The following DLGAP1 variants were observed in gnomAD, a reference collection of about 807,000 sequenced individuals.
The protein encoded by DLGAP1 is DLG associated protein 1, also known as disks large-associated protein 1.
Under a neutral mutation model 90.8 loss-of-function variants are expected in DLGAP1, and 11 were observed. The observed-to-expected ratio is 0.12, with a 90% CI of 0.08 to 0.20. DLGAP1 has a LOEUF of 0.20. Among genes scored for constraint, DLGAP1 ranks in the 10% least tolerant of loss-of-function variants. DLGAP1 has a pLI of 1.00. For synonymous variants in DLGAP1, 558 were observed against 540.7 expected, an observed-to-expected ratio of 1.03 and a Z score of -0.44; for missense variants, 1,050 against 1,333.8, an observed-to-expected ratio of 0.79 and a Z score of 3.31.
intron 4 of DLGAP1, among the ~76,000 whole-genome samples, chr18:3,855,082 T>C (rs1275781715): frequency 6.6e-6 from 1 of 152,152 alleles, no homozygotes; most frequent in Non-Finnish European, 1.5e-5. Context: ...ATGCAGTACA[T>C]ATACACCACG....
chr18:3,882,244 T>C (rs1043601346), intron 3 of DLGAP1, among the ~76,000 whole-genome samples: 4 of 151,758 alleles, frequency 2.6e-5, no homozygotes, highest in African/African-American at 9.7e-5. Context: ...TGGTTGAGTA[T>C]TTACGCACAA....
chr18:4,239,806 A>G (rs1345740364), intron 1 of DLGAP1, among the ~76,000 whole-genome samples: 1 of 152,210 alleles, frequency 6.6e-6, no homozygotes, highest in African/African-American at 2.4e-5. Context: ...AGGTTTACAA[A>G]GAGAGATTAC....
At chr18:3,895,068 C>T (rs1267868046) in intron 3 of DLGAP1, among the ~76,000 whole-genome samples, 2 of 152,122 alleles carry the variant, frequency 1.3e-5, no homozygotes, top group Non-Finnish European at 2.9e-5. Context: ...TCTCAGGTGT[C>T]AGTATTAACA....
intron 5 of DLGAP1, among the ~76,000 whole-genome samples, chr18:3,804,063 G>A (rs1254153340): frequency 6.8e-6 from 1 of 147,820 alleles, no homozygotes; most frequent in Admixed American, 6.8e-5. Flanking sequence ...GCAAGATCTT[G>A]GTTCACTGCA....
intron 4 of DLGAP1, among the ~76,000 whole-genome samples, chr18:3,838,021 A>G (rs1029473227): frequency 1.2e-4 from 18 of 152,214 alleles, no homozygotes; most frequent in African/African-American, 4.3e-4. Flanking sequence ...AAAAATATAG[A>G]TTGGGATGGA....
At chr18:3,845,677 G>T in intron 4 of DLGAP1, 1 of 894,680 alleles carries the variant, frequency 1.1e-6, no homozygotes. Flanking sequence ...CGTATATTCT[G>T]TCAAATGGAA....
At chr18:4,265,482 CTTCCT>C (rs1304679883) in intron 1 of DLGAP1, among the ~76,000 whole-genome samples, 19 of 148,934 alleles carry the variant, frequency 1.3e-4, no homozygotes, top group Non-Finnish European at 7.5e-5. Context: ...TCCTTCCTTC[CTTCCT>C]TTCCTTTCCT....
At chr18:4,203,502 C>T (rs1360710014) in intron 1 of DLGAP1, among the ~76,000 whole-genome samples, 1 of 152,030 alleles carries the variant, frequency 6.6e-6, no homozygotes, top group Non-Finnish European at 1.5e-5. Flanking sequence ...ATTTTGTTTG[C>T]CATGAGCTTT....
At chr18:3,507,602 T>G (rs1430485909) in intron 11 of DLGAP1, among the ~76,000 whole-genome samples, 1 of 152,156 alleles carries the variant, frequency 6.6e-6, no homozygotes, top group Non-Finnish European at 1.5e-5. Flanking sequence ...AAAAAACCTC[T>G]AAGATCATAT....
chr18:4,161,649 G>A (rs1276207278), intron 1 of DLGAP1, among the ~76,000 whole-genome samples: 1 of 152,068 alleles, frequency 6.6e-6, no homozygotes, highest in Admixed American at 6.6e-5. Flanking sequence ...TCATTTGTTA[G>A]AGCCAAATTT....
At chr18:3,652,657 T>G (rs2059355611) in intron 7 of DLGAP1, among the ~76,000 whole-genome samples, 1 of 152,220 alleles carries the variant, frequency 6.6e-6, no homozygotes, top group South Asian at 2.1e-4. Flanking sequence ...TTTATTTGAT[T>G]TCTTCAGAGA....
intron 2 of DLGAP1, among the ~76,000 whole-genome samples, chr18:4,113,429 T>C (rs1357925713): frequency 6.6e-6 from 1 of 152,172 alleles, no homozygotes; most frequent in East Asian, 1.9e-4. Context: ...TCTGTTCATG[T>C]CTTTTGACAT....
chr18:4,036,008 C>A (rs1380107335), intron 2 of DLGAP1, among the ~76,000 whole-genome samples: 1 of 152,128 alleles, frequency 6.6e-6, no homozygotes, highest in African/African-American at 2.4e-5. Flanking sequence ...GGAAAACCTA[C>A]AGGTATCACA....
intron 3 of DLGAP1, among the ~76,000 whole-genome samples, chr18:3,941,122 T>A (rs757847188): frequency 6.6e-6 from 1 of 152,164 alleles, no homozygotes; most frequent in African/African-American, 2.4e-5. Flanking sequence ...CTACTTTAAA[T>A]GTACAGTAAG....
intron 1 of DLGAP1, among the ~76,000 whole-genome samples, chr18:4,371,293 T>C (rs2144216278): frequency 6.6e-6 from 1 of 152,350 alleles, no homozygotes; most frequent in East Asian, 1.9e-4. Flanking sequence ...TGTGGCTTAG[T>C]ACAGGGCTGA....
At chr18:3,902,581 G>A (rs1198501918) in intron 3 of DLGAP1, among the ~76,000 whole-genome samples, 1 of 152,048 alleles carries the variant, frequency 6.6e-6, no homozygotes, top group African/African-American at 2.4e-5. Context: ...TTGTATTACT[G>A]TACTTGTCTC....
intron 3 of DLGAP1, chr18:3,978,739 A>G (rs962621682): frequency 2.0e-5 from 3 of 153,034 alleles, no homozygotes; most frequent in African/African-American, 7.2e-5. Flanking sequence ...TTCCCACTCT[A>G]GAACTTTCGA....
intron 1 of DLGAP1, among the ~76,000 whole-genome samples, chr18:4,329,332 T>A (rs762883557): frequency 3.3e-5 from 5 of 151,856 alleles, no homozygotes; most frequent in Non-Finnish European, 7.4e-5. Flanking sequence ...CTGAATTTTT[T>A]ATTTTTTCTA....
At chr18:3,766,661 A>G (rs1336698356) in intron 5 of DLGAP1, among the ~76,000 whole-genome samples, 1 of 152,190 alleles carries the variant, frequency 6.6e-6, no homozygotes, top group African/African-American at 2.4e-5. Context: ...AAAAATCAGT[A>G]ACAGAAAGAT....
Sources: allele counts gnomAD v4.1 joint callset (sites outside exome capture counted in the v4.1 genomes callset), GRCh38; gene constraint gnomAD v4.1.1; transcripts MANE v1.5; gene names NCBI Gene and HGNC (gene_info 2026-07-23, HGNC 2026-07-21).